The following GOLPH3 variants were observed in gnomAD, a reference collection of about 807,000 sequenced individuals.
GOLPH3 encodes golgi phosphoprotein 3.
Under a neutral mutation model 28.5 loss-of-function variants are expected in GOLPH3, and 14 were observed. The ratio of observed to expected loss-of-function variants is 0.49; its 90% confidence interval spans 0.32 to 0.77. The LOEUF (loss-of-function observed/expected upper bound fraction) is 0.77, where lower values mean the gene tolerates loss of function less well. GOLPH3 is among the 30% of genes least tolerant of loss of function. GOLPH3 has a pLI of 0.03. For synonymous variants in GOLPH3, 158 were observed against 159.2 expected, an observed-to-expected ratio of 0.99 and a Z score of 0.06; for missense variants, 350 against 393.7, an observed-to-expected ratio of 0.89 and a Z score of 0.94.
intron 1 of GOLPH3, among the ~76,000 whole-genome samples, chr5:32,165,581 T>C (rs993069689): frequency 6.6e-6 from 1 of 151,780 alleles, no homozygotes; most frequent in African/African-American, 2.4e-5. Flanking sequence ...AGACTCTGTC[T>C]CAGAAGAGAA....
chr5:32,148,723 G>A (rs546051646), intron 1 of GOLPH3, among the ~76,000 whole-genome samples: 83 of 152,376 alleles, frequency 5.4e-4, no homozygotes, highest in African/African-American at 1.9e-3. Flanking sequence ...CGTGACCCCA[G>A]GAGGCGGAGC....
chr5:32,172,876 A>C (rs1480476473), intron 1 of GOLPH3, among the ~76,000 whole-genome samples: 2 of 152,204 alleles, frequency 1.3e-5, no homozygotes, highest in East Asian at 3.8e-4. Flanking sequence ...TAAATAAATA[A>C]TCATTTTTGT....
intron 1 of GOLPH3, among the ~76,000 whole-genome samples, chr5:32,162,629 C>T (rs75989987): frequency 0.027 from 4,055 of 152,262 alleles, 66 homozygotes; most frequent in Non-Finnish European, 0.045. Context: ...ATATTAAATA[C>T]TTGTCACTTG....
intron 2 of GOLPH3, among the ~76,000 whole-genome samples, chr5:32,140,704 A>C (rs1390778765): frequency 6.7e-6 from 1 of 150,350 alleles, no homozygotes; most frequent in Non-Finnish European, 1.5e-5. Flanking sequence ...GGTGGCATAT[A>C]CCTATGTAGT....
rs942684734 is a variant in GOLPH3, at chr5:32,162,506, T to A, written c.225+11304A>T. Among the ~76,000 whole-genome samples, 6 of 150,202 alleles carry A rather than the reference T, an allele frequency of 4.0e-5. 1 individual carries two copies. In the East Asian group the frequency reaches 5.9e-4, roughly 15 times the overall value. The stretch of plus-strand genomic sequence containing the variant: ...GACTCCGTCTCAAAAAAAAAAAAAA[T>A]TAAAATTTTTAAAAAAATACACGCA... On this transcript the variant is annotated intron_variant, in intron 1 of 3. Coordinates refer to ENST00000265070, the MANE Select transcript of GOLPH3 (RefSeq NM_022130.4).
In GOLPH3 at chr5:32,124,939, T is replaced by C. The variant is rs1160267704; in HGVS notation, c.*1273A>G. On this transcript the variant is annotated 3_prime_UTR_variant, in exon 4 of 4. Transcript: ENST00000265070. ...GACATTTAATTTGTTCAACATATAG[T>C]ATTTACATTATGAAACCAATGGTGA... The C allele has an allele frequency of 6.6e-6, 1 of 152,650 alleles. No homozygotes were observed. Among genetic ancestry groups the C allele is most frequent in the African/African-American group, 2.4e-5 (1 of 41,458 alleles). The allele number at this position is 152,650 out of a possible 1,614,324, so 9.5% of individuals were successfully genotyped here.
rs542086086 is a variant in GOLPH3 at position 32,142,308 on chromosome 5, T to C, written c.357+1441A>G. Among the ~76,000 whole-genome samples the C allele has an allele frequency of 4.8e-4, 69 of 144,862 alleles. 1 individual carries two copies. In the East Asian group the frequency reaches 0.014, roughly 29 times the overall value. On this transcript the variant is annotated intron_variant, in intron 2 of 3. Coordinates refer to ENST00000265070, the MANE Select transcript of GOLPH3 (RefSeq NM_022130.4). The stretch of plus-strand genomic sequence containing the variant: ...CTGCCCGGACGCCCCGTCTGAGAAA[T>C]GAGGAGACCCTCTGCCTGGCAACCG...
chr5:32,172,003 C>T (rs1746847818), intron 1 of GOLPH3, among the ~76,000 whole-genome samples: 1 of 151,576 alleles, frequency 6.6e-6, no homozygotes, highest in Admixed American at 6.6e-5. Flanking sequence ...AATTTTGAAA[C>T]CTAAAGTTGA....
At chr5:32,155,304 G>GCCT (rs1416905168) in intron 1 of GOLPH3, among the ~76,000 whole-genome samples, 1 of 152,050 alleles carries the variant, frequency 6.6e-6, no homozygotes, top group Non-Finnish European at 1.5e-5. Flanking sequence ...GCCCACCTCA[G>GCCT]CCTCCTGAGT....
chr5:32,150,622 A>G (rs1415030939), intron 1 of GOLPH3, among the ~76,000 whole-genome samples: 2 of 152,166 alleles, frequency 1.3e-5, no homozygotes, highest in Admixed American at 6.5e-5. Context: ...TCAAATACAG[A>G]TTGAGTATCC....
intron 2 of GOLPH3, among the ~76,000 whole-genome samples, chr5:32,141,754 G>A (rs866336391): frequency 5.3e-5 from 8 of 152,144 alleles, no homozygotes; most frequent in African/African-American, 1.4e-4. Context: ...GGCGCGCGCC[G>A]CCACGCCTGA....
Position 32,125,471 on chromosome 5 carries a change from G to C in GOLPH3, c.*741C>G, listed in dbSNP as rs1745656347. The C allele has an allele frequency of 2.6e-5, 4 of 152,624 alleles. No individual in the cohort carries two copies. The highest frequency in any genetic ancestry group is 2.0e-4 in the Admixed American group (3 of 15,276). The allele number at this position is 152,624 out of a possible 1,614,324, so 9.5% of individuals were successfully genotyped here. ...GATTGAAGCAAGCGAGGGGCACCAG[G>C]TGTACAACTGATTAGATCTTGCAAA... On this transcript the variant is annotated 3_prime_UTR_variant, in exon 4 of 4. Transcript: ENST00000265070.
intron 1 of GOLPH3, among the ~76,000 whole-genome samples, chr5:32,155,956 CAAAAAAAAAAAAAAAAAAAAAAAA>C (rs70961608): frequency 0.012 from 596 of 47,824 alleles, 16 homozygotes; most frequent in African/African-American, 0.031. Context: ...AACACTGTCT[CAAAAAAAAAAAAAAAAAAAAAAAA>C]AAAAAAAAAA....
intron 2 of GOLPH3, among the ~76,000 whole-genome samples, chr5:32,143,322 G>A (rs373224929): frequency 1.3e-5 from 2 of 151,466 alleles, no homozygotes; most frequent in Admixed American, 6.6e-5. Context: ...GCGGAAGGCC[G>A]CAGGGTCCTC....
chr5:32,135,468 C>A, intron 3 of GOLPH3, 104 bp downstream of exon 3: 1 of 699,332 alleles, frequency 1.4e-6, no homozygotes. Context: ...GCCTAAATAA[C>A]TAAACAAGCT....
intron 2 of GOLPH3, among the ~76,000 whole-genome samples, chr5:32,138,231 GT>G (rs1338286258): frequency 6.6e-6 from 1 of 152,108 alleles, no homozygotes; most frequent in Admixed American, 6.6e-5. Context: ...AATGCTGAGA[GT>G]CCTCTCTTAA....
Position 32,126,474 on chromosome 5 carries a change from C to T in GOLPH3, c.635G>A (p.Arg212His), listed in dbSNP as rs374757542. 2.0e-5 allele frequency: 33 copies of T among 1,613,972 alleles called. No homozygotes were observed. In the South Asian group the frequency reaches 2.6e-4, roughly 13 times the overall value. Residue 212 changes from arginine (R) to histidine (H), a missense_variant, in exon 4 of 4, where the codon CGC becomes CAC. Coordinates refer to ENST00000265070, the MANE Select transcript of GOLPH3 (RefSeq NM_022130.4). ...GGCTTCCTGTACTTTCTTGATGAGG[C>T]GCTGCTTAATGTTGTTATTGGTGAG... ...HPLTNNNIKQ[R>H]LIKKVQEAVL... is the part of the protein sequence containing the mutation.
intron 2 of GOLPH3, among the ~76,000 whole-genome samples, chr5:32,139,722 AACAG>A (rs1307978103): frequency 2.6e-5 from 4 of 152,304 alleles, no homozygotes; most frequent in East Asian, 3.9e-4. Context: ...CCTAAATATA[AACAG>A]ACAATCACGG....
At chr5:32,163,858 A>C (rs1746648571) in intron 1 of GOLPH3, among the ~76,000 whole-genome samples, 1 of 152,194 alleles carries the variant, frequency 6.6e-6, no homozygotes. Context: ...ACTGAAATTT[A>C]AGTTCTTAAG....
Sources: allele counts gnomAD v4.1 joint callset (sites outside exome capture counted in the v4.1 genomes callset), GRCh38; gene constraint gnomAD v4.1.1; transcripts MANE v1.5; gene names NCBI Gene and HGNC (gene_info 2026-07-23, HGNC 2026-07-21).